LAPTM5: variants seen among roughly 807,000 people sequenced by gnomAD.
The protein encoded by LAPTM5 is lysosomal protein transmembrane 5.
LAPTM5 carries 11 observed loss-of-function variants against 30.1 expected under a neutral mutation model. That is an observed-to-expected ratio of 0.37 (90% CI 0.23 to 0.60). LAPTM5 has a LOEUF of 0.60. Among genes scored for constraint, LAPTM5 ranks in the 20% least tolerant of loss-of-function variants. The probability of loss-of-function intolerance (pLI) is 0.71; values close to 1 mark genes in which losing one functional copy is unlikely to be tolerated. For synonymous variants in LAPTM5, 151 were observed against 137.9 expected, an observed-to-expected ratio of 1.10 and a Z score of -0.67; for missense variants, 324 against 332.5, an observed-to-expected ratio of 0.97 and a Z score of 0.20.
chr1:30,753,613 A>T lies in LAPTM5; in HGVS notation c.87+4046T>A, dbSNP rs1640168684. Among the ~76,000 whole-genome samples, 5 of 152,222 alleles carry T rather than the reference A, an allele frequency of 3.3e-5. No individual in the cohort carries two copies. The South Asian group carries it at 1.0e-3, about 32-fold the overall frequency. ...AAATACTCCTCGAACTGTCAAGATT[A>T]TCAAAAACAAGAAAAATCTGAGAAA... On this transcript the variant is annotated intron_variant, in intron 1 of 7. Coordinates refer to ENST00000294507, the MANE Select transcript of LAPTM5 (RefSeq NM_006762.3).
At chr1:30,734,230 G>A (rs1639856198) in intron 7 of LAPTM5, among the ~76,000 whole-genome samples, 1 of 152,178 alleles carries the variant, frequency 6.6e-6, no homozygotes, top group Admixed American at 6.5e-5. Flanking sequence ...CTCAGATCCA[G>A]CGAGGTGGCT....
chr1:30,750,747 G>A (rs921245480), intron 1 of LAPTM5, among the ~76,000 whole-genome samples: 3 of 152,182 alleles, frequency 2.0e-5, no homozygotes, highest in Non-Finnish European at 4.4e-5. Flanking sequence ...AGAGTCACTT[G>A]CCCTCCTGAG....
rs111762806 is a variant in LAPTM5 at position 30,747,808 on chromosome 1, C to G, written c.88-5259G>C. 5.9e-3 allele frequency among the ~76,000 whole-genome samples: 905 copies of G among 152,124 alleles called. 13 individuals carry two copies. The highest frequency in any genetic ancestry group is 0.021 in the African/African-American group (854 of 41,488). On this transcript the variant is annotated intron_variant, in intron 1 of 7. Coordinates refer to ENST00000294507, the MANE Select transcript of LAPTM5 (RefSeq NM_006762.3). ...GGTGAAAACAGTGCACCAGGTGTCA[C>G]CTGGGAGGCACTGGCCATGGTGACC... is the stretch of plus-strand genomic sequence containing the variant.
chr1:30,744,800 G>T (rs902437941), intron 1 of LAPTM5, among the ~76,000 whole-genome samples: 1 of 152,002 alleles, frequency 6.6e-6, no homozygotes, highest in Non-Finnish European at 1.5e-5. Context: ...ACCCCGGAGA[G>T]GACTTAGATA....
At chr1:30,736,521 C>T (rs1375837401) in intron 6 of LAPTM5, among the ~76,000 whole-genome samples, 8 of 152,178 alleles carry the variant, frequency 5.3e-5, no homozygotes. Context: ...GCAGCCTCAA[C>T]CTCCCAGGCT....
intron 1 of LAPTM5, among the ~76,000 whole-genome samples, chr1:30,749,196 A>G (rs369709523): frequency 2.0e-5 from 3 of 152,382 alleles, no homozygotes; most frequent in Admixed American, 6.5e-5. Flanking sequence ...CCGCAACCAC[A>G]CAGACGAAGC....
chr1:30,756,526 T>C (rs1048604465), intron 1 of LAPTM5, among the ~76,000 whole-genome samples: 3 of 151,864 alleles, frequency 2.0e-5, no homozygotes, highest in Admixed American at 6.6e-5. Context: ...CTCAGAGAGG[T>C]TAAGTAAATT....
At chr1:30,753,986 C>G (rs1017613570) in intron 1 of LAPTM5, among the ~76,000 whole-genome samples, 1 of 152,182 alleles carries the variant, frequency 6.6e-6, no homozygotes, top group Admixed American at 6.5e-5. Context: ...TATCCTAGAA[C>G]CCAAATACAT....
intron 1 of LAPTM5, among the ~76,000 whole-genome samples, chr1:30,749,413 G>A (rs1640097488): frequency 6.6e-6 from 1 of 152,198 alleles, no homozygotes; most frequent in South Asian, 2.1e-4. Flanking sequence ...TCACATGGGT[G>A]TGTTCACCTT....
At chr1:30,757,202 A>G (rs567498489) in intron 1 of LAPTM5, among the ~76,000 whole-genome samples, 2 of 152,310 alleles carry the variant, frequency 1.3e-5, no homozygotes, top group African/African-American at 4.8e-5. Context: ...GGCTCCCTCC[A>G]GGCCCCAGGG....
At chr1:30,742,614 A>T in intron 1 of LAPTM5, 65 bp from the exon 2 acceptor site, 9 of 1,322,296 alleles carry the variant, frequency 6.8e-6, no homozygotes, top group Non-Finnish European at 9.6e-6. Context: ...AGCCCCTCCC[A>T]CCTTAGTGGT....
chr1:30,757,574 TG>T, intron 1 of LAPTM5, 84 bp downstream of exon 1: 1 of 1,385,238 alleles, frequency 7.2e-7, no homozygotes. Flanking sequence ...CTTTCATTTG[TG>T]GGGCTCCGTA....
In LAPTM5 at chr1:30,742,443, C is replaced by T. The variant is rs779112565; in HGVS notation, c.181+13G>A. 4 of 1,604,444 alleles carry T rather than the reference C, an allele frequency of 2.5e-6. No homozygotes were observed. The highest frequency in any genetic ancestry group is 3.4e-5 in the Admixed American group (2 of 59,690). ...CCTCCCCCCGCCACTCCACCGGCGT[C>T]CCCTGGACCTACCGATCCTGAGGTA... On this transcript the variant is annotated intron_variant, in intron 2 of 7. Coordinates refer to ENST00000294507, the MANE Select transcript of LAPTM5 (RefSeq NM_006762.3).
chr1:30,751,280 C>T (rs1319161284), intron 1 of LAPTM5, among the ~76,000 whole-genome samples: 2 of 152,272 alleles, frequency 1.3e-5, no homozygotes, highest in Non-Finnish European at 2.9e-5. Context: ...GGCCTCCTCA[C>T]CCCTCCGTGA....
rs190929639 is a variant in LAPTM5 at position 30,740,124 on chromosome 1, G to A, written c.259-187C>T. On this transcript the variant is annotated intron_variant, in intron 3 of 7. Transcript: ENST00000294507. ...AGTGGATAAGACCCAGGCCCTGAATGAGAGGAGTCTTGGTGTCCCAGGAGA... is the reference window on the plus strand; with the variant it reads ...AGTGGATAAGACCCAGGCCCTGAATAAGAGGAGTCTTGGTGTCCCAGGAGA... Among the ~76,000 whole-genome samples, 68 of 152,292 alleles carry A rather than the reference G, an allele frequency of 4.5e-4. 1 individual carries two copies. The Middle Eastern group carries it at 0.017, about 38-fold the overall frequency.
At position 30,733,320 on chromosome 1, in the gene LAPTM5, T is replaced by C. The variant is rs1639839252; in HGVS notation, c.*508A>G. ...CTAATTGATTATCATGTAAGCAAGC[T>C]ATTTGAAGAAATTGATTACATATAT... On this transcript the variant is annotated 3_prime_UTR_variant, in exon 8 of 8. Transcript: ENST00000294507. 3.9e-6 allele frequency: 1 copy of C among 257,440 alleles called. No individual in the cohort carries two copies. Among genetic ancestry groups the C allele is most frequent in the Non-Finnish European group, 7.6e-6 (1 of 131,038 alleles). 15.9% of individuals were successfully genotyped at this position (257,440 alleles called of 1,614,324 possible).
In LAPTM5 at chr1:30,739,566, A is replaced by G. The variant is rs766316469; in HGVS notation, c.387+243T>C. 5.3e-5 allele frequency among the ~76,000 whole-genome samples: 8 copies of G among 152,178 alleles called. No individual in the cohort carries two copies. The highest frequency in any genetic ancestry group is 8.8e-5 in the Non-Finnish European group (6 of 68,022). Reference sequence around the variant, plus strand: ...GTGCTGACCATGGGCTGCACCCCCAATGTGTGTGTTCCTCATGTAACCCTC... The same window carrying G: ...GTGCTGACCATGGGCTGCACCCCCAGTGTGTGTGTTCCTCATGTAACCCTC... On this transcript the variant is annotated intron_variant, in intron 4 of 7. Transcript: ENST00000294507. This position sits in a 1 kb window ranked among gnomAD's most constrained non-coding sequence, Gnocchi z 4.2.
chr1:30,752,234 C>A (rs2124199159), intron 1 of LAPTM5, among the ~76,000 whole-genome samples: 1 of 152,354 alleles, frequency 6.6e-6, no homozygotes, highest in South Asian at 2.1e-4. Flanking sequence ...CAAGCTCCTG[C>A]CCCATCTCTC....
chr1:30,748,865 C>T (rs372418272), intron 1 of LAPTM5, among the ~76,000 whole-genome samples: 2 of 152,346 alleles, frequency 1.3e-5, no homozygotes, highest in South Asian at 4.1e-4. Flanking sequence ...GCCGCTGATC[C>T]CCTGTGGGAT....
Sources: allele counts gnomAD v4.1 joint callset (sites outside exome capture counted in the v4.1 genomes callset), GRCh38; gene constraint gnomAD v4.1.1; non-coding constraint Gnocchi (gnomAD v3.1); transcripts MANE v1.5; gene names NCBI Gene and HGNC (gene_info 2026-07-23, HGNC 2026-07-21).